The following SLC4A10 variants were observed in gnomAD, a reference collection of about 807,000 sequenced individuals.
The protein encoded by SLC4A10 is sodium-driven chloride bicarbonate exchanger.
Under a neutral mutation model 137.7 loss-of-function variants are expected in SLC4A10, and 42 were observed. The ratio of observed to expected loss-of-function variants is 0.30; its 90% CI spans 0.24 to 0.39. The LOEUF is 0.39. Among genes scored for constraint, SLC4A10 ranks in the 10% least tolerant of loss-of-function variants. SLC4A10 has a pLI of 1.00. For synonymous variants in SLC4A10, 474 were observed against 464.1 expected, an observed-to-expected ratio of 1.02 and a Z score of -0.27; for missense variants, 925 against 1,355.0, an observed-to-expected ratio of 0.68 and a Z score of 4.98.
At position 161,673,333 on chromosome 2, in the gene SLC4A10, G is replaced by A. The variant is rs1356000246; in HGVS notation, c.48+48767G>A. Among the ~76,000 whole-genome samples, 3 of 152,146 alleles carry A rather than the reference G, an allele frequency of 2.0e-5. 1 individual carries two copies. The highest frequency in any genetic ancestry group is 4.4e-5 in the Non-Finnish European group (3 of 68,024). ...TGTGAGGGTCAGTTTCATCAGGTCAGGGTGTACTGAGAAATATTTGATGGA... is the reference window on the plus strand; with the variant it reads ...TGTGAGGGTCAGTTTCATCAGGTCAAGGTGTACTGAGAAATATTTGATGGA... On this transcript the variant is annotated intron_variant, in intron 1 of 26. Coordinates refer to ENST00000446997, the MANE Select transcript of SLC4A10 (RefSeq NM_001178015.2).
At chr2:161,747,104 C>G (rs2048467273) in intron 1 of SLC4A10, among the ~76,000 whole-genome samples, 1 of 152,086 alleles carries the variant, frequency 6.6e-6, no homozygotes, top group Non-Finnish European at 1.5e-5. Context: ...CCTACTGGCT[C>G]TGAGCCCAGC....
At chr2:161,817,996 G>GT (rs1461190226) in intron 3 of SLC4A10, among the ~76,000 whole-genome samples, 3 of 152,000 alleles carry the variant, frequency 2.0e-5, no homozygotes, top group African/African-American at 7.2e-5. Flanking sequence ...CTTTAAAGCA[G>GT]TTTTTTCCAA....
intron 1 of SLC4A10, among the ~76,000 whole-genome samples, chr2:161,712,651 T>A (rs1270501379): frequency 6.6e-6 from 1 of 151,858 alleles, no homozygotes. Context: ...TATTTTGAAT[T>A]GCTGGTGATT....
intron 5 of SLC4A10, among the ~76,000 whole-genome samples, chr2:161,857,843 G>T (rs2060192100): frequency 6.6e-6 from 1 of 152,050 alleles, no homozygotes. Flanking sequence ...TATCAAAGAT[G>T]ACCTTTGCAG....
chr2:161,798,079 T>C (rs1370538200), intron 2 of SLC4A10, among the ~76,000 whole-genome samples: 1 of 151,996 alleles, frequency 6.6e-6, no homozygotes, highest in Non-Finnish European at 1.5e-5. Flanking sequence ...ATACACTCAC[T>C]CCCATCCTCT....
At chr2:161,795,497 A>G (rs988461793) in intron 2 of SLC4A10, among the ~76,000 whole-genome samples, 11 of 152,132 alleles carry the variant, frequency 7.2e-5, no homozygotes, top group Non-Finnish European at 1.6e-4. Flanking sequence ...AGCCACAGAT[A>G]TATCTATCAC....
chr2:161,630,319 T>G (rs2033292759), intron 1 of SLC4A10, among the ~76,000 whole-genome samples: 1 of 151,864 alleles, frequency 6.6e-6, no homozygotes, highest in African/African-American at 2.4e-5. Flanking sequence ...TTGTTTGGTT[T>G]TGGTATTAGG....
chr2:161,790,687 C>T (rs181756477), intron 2 of SLC4A10, among the ~76,000 whole-genome samples: 2 of 152,230 alleles, frequency 1.3e-5, no homozygotes, highest in East Asian at 3.9e-4. Context: ...CTATCTTTGA[C>T]ACCTGTGCAC....
At chr2:161,943,077 A>C (rs962683376) in intron 16 of SLC4A10, among the ~76,000 whole-genome samples, 180 bp downstream of exon 16, 2 of 152,138 alleles carry the variant, frequency 1.3e-5, no homozygotes, top group Non-Finnish European at 2.9e-5. Flanking sequence ...TTCATTATTA[A>C]GGTTGTTCTA....
intron 1 of SLC4A10, among the ~76,000 whole-genome samples, chr2:161,731,338 A>G (rs1481570557): frequency 1.3e-5 from 2 of 152,172 alleles, no homozygotes; most frequent in African/African-American, 2.4e-5. Context: ...CAATGCTGCT[A>G]AAGTCATGTT....
intron 1 of SLC4A10, among the ~76,000 whole-genome samples, chr2:161,724,466 T>A (rs554065121): frequency 6.6e-6 from 1 of 152,212 alleles, no homozygotes; most frequent in South Asian, 2.1e-4. Context: ...GCTGAACAGG[T>A]ACTTTGTGAA....
intron 1 of SLC4A10, among the ~76,000 whole-genome samples, chr2:161,625,042 A>C (rs2032010473): frequency 6.7e-6 from 1 of 149,058 alleles, no homozygotes; most frequent in African/African-American, 2.5e-5. Flanking sequence ...TCTCTACAGA[A>C]ACCAGGGGAA....
chr2:161,961,059 A>T (rs1696621348), intron 21 of SLC4A10, among the ~76,000 whole-genome samples: 2 of 152,254 alleles, frequency 1.3e-5, no homozygotes, highest in African/African-American at 4.8e-5. Flanking sequence ...AAGAGACTAG[A>T]GACTTATTCA....
At position 161,933,943 on chromosome 2, in the gene SLC4A10, A is replaced by G. The variant is rs562864486; in HGVS notation, c.1998-8849A>G. ...TGTACTAATTTATATTCCCATCAAC[A>G]ATGTGAAAAGTTTCCCTTTCTCCAC... On this transcript the variant is annotated intron_variant, in intron 15 of 26. Transcript: ENST00000446997. Among the ~76,000 whole-genome samples the G allele has an allele frequency of 2.0e-5, 3 of 152,286 alleles. No individual in the cohort carries two copies. The South Asian group carries it at 6.2e-4, about 32-fold the overall frequency.
Position 161,707,898 on chromosome 2 carries a change from A to G in SLC4A10, c.49-63075A>G, listed in dbSNP as rs1006540615. ...TTTACTATTTACACAACTATCAAAG[A>G]TTGCCAAAATAAAAATCCTGTATAG... On this transcript the variant is annotated intron_variant, in intron 1 of 26. Coordinates refer to ENST00000446997, the MANE Select transcript of SLC4A10 (RefSeq NM_001178015.2). 2.0e-5 allele frequency among the ~76,000 whole-genome samples: 3 copies of G among 151,430 alleles called. No individual in the cohort carries two copies. In the Admixed American group the frequency reaches 2.0e-4, roughly 10 times the overall value.
intron 23 of SLC4A10, among the ~76,000 whole-genome samples, chr2:161,970,074 G>A (rs891614428): frequency 4.0e-4 from 61 of 152,292 alleles, no homozygotes; most frequent in African/African-American, 1.4e-3. Flanking sequence ...AACCATCTCT[G>A]TTAATAAGAC....
rs147893123 is a variant in SLC4A10, at chr2:161,806,644, C to T, written c.277+2049C>T. On this transcript the variant is annotated intron_variant, in intron 3 of 26. Coordinates refer to ENST00000446997, the MANE Select transcript of SLC4A10 (RefSeq NM_001178015.2). ...AAACATAACAAGAGTCACCTTTGCT[C>T]CAGTTCCCAACACGTTCTTCATCTC... 6.1e-3 allele frequency among the ~76,000 whole-genome samples: 925 copies of T among 152,280 alleles called. 10 individuals are homozygous for T. The highest frequency in any genetic ancestry group is 0.021 in the African/African-American group (875 of 41,544).
At chr2:161,931,042 T>C (rs1326625298) in intron 15 of SLC4A10, among the ~76,000 whole-genome samples, 1 of 152,186 alleles carries the variant, frequency 6.6e-6, no homozygotes, top group Non-Finnish European at 1.5e-5. Flanking sequence ...ACAATTCTCC[T>C]GCCTCGGCCT....
At position 161,906,026 on chromosome 2, in the gene SLC4A10, G is replaced by A. The variant is rs576258631; in HGVS notation, c.1997+139G>A. On this transcript the variant is annotated intron_variant, in intron 15 of 26. Coordinates refer to ENST00000446997, the MANE Select transcript of SLC4A10 (RefSeq NM_001178015.2). ...GACCTAAATCCTGACTCTCAGAGTC[G>A]AACAGGATTTTAAAAGTTATTTAAT... The A allele has an allele frequency of 2.7e-4, 301 of 1,128,984 alleles. 1 individual carries two copies. Among genetic ancestry groups the A allele is most frequent in the Middle Eastern group, 1.7e-3 (8 of 4,808 alleles). The allele number at this position is 1,128,984 out of a possible 1,614,324, so 69.9% of individuals were successfully genotyped here. A position where few individuals can be genotyped will look rare whatever the true frequency, so the allele number is the denominator to read the frequency against.
Sources: gnomAD v4.1 joint callset for allele counts (sites outside exome capture counted in the v4.1 genomes callset) on GRCh38, gnomAD v4.1.1 for gene constraint, MANE v1.5 for transcripts, NCBI Gene and HGNC (gene_info 2026-07-23, HGNC 2026-07-21) for gene names.